LRRC8D: variants seen among roughly 807,000 people sequenced by gnomAD.
The protein encoded by LRRC8D is leucine rich repeat containing 8 VRAC subunit D.
In LRRC8D, 20 loss-of-function variants were observed where a neutral mutation model predicts 55.8. The observed-to-expected ratio is 0.36, with a 90% CI of 0.25 to 0.52. The LOEUF is 0.52. LRRC8D is among the 20% of genes least tolerant of loss of function. The pLI, the probability that LRRC8D is intolerant of heterozygous loss-of-function variation, is 0.93. For missense variants in LRRC8D, 651 were observed against 1,030.8 expected, an observed-to-expected ratio of 0.63 and a Z score of 5.05; for synonymous variants, 352 against 377.0, an observed-to-expected ratio of 0.93 and a Z score of 0.77.
intron 2 of LRRC8D, among the ~76,000 whole-genome samples, chr1:89,925,666 C>T (rs1386398321): frequency 6.6e-6 from 1 of 152,200 alleles, no homozygotes; most frequent in Non-Finnish European, 1.5e-5. Context: ...ATGCTTTATA[C>T]ACATACACAC....
At chr1:89,851,061 TTTTTTTGTG>T (rs936928375) in intron 2 of LRRC8D, among the ~76,000 whole-genome samples, 2 of 147,056 alleles carry the variant, frequency 1.4e-5, no homozygotes, top group African/African-American at 5.1e-5. Flanking sequence ...TTTTCTTCTG[TTTTTTTGTG>T]TTTTTTTTTT....
At chr1:89,864,665 C>T (rs1661798768) in intron 2 of LRRC8D, among the ~76,000 whole-genome samples, 1 of 152,044 alleles carries the variant, frequency 6.6e-6, no homozygotes, top group African/African-American at 2.4e-5. Flanking sequence ...CTCCTTAACA[C>T]CCTCCAGTGA....
intron 2 of LRRC8D, chr1:89,846,708 A>C (rs965069963): frequency 6.6e-6 from 1 of 151,752 alleles, no homozygotes; most frequent in Admixed American, 6.6e-5. Context: ...TGAAATTTAC[A>C]CTTCCTGTGT....
Position 89,823,403 on chromosome 1 carries a change from G to A in LRRC8D, c.-148+2112G>A, listed in dbSNP as rs577738262. ...TTTCCCTTAATTTTTATATTATGCA[G>A]CATTTTTAAAAATTAATTTTAGAAA... On this transcript the variant is annotated intron_variant, in intron 1 of 2. Coordinates refer to ENST00000337338, the MANE Select transcript of LRRC8D (RefSeq NM_001134479.2). Among the ~76,000 whole-genome samples the A allele has an allele frequency of 2.0e-5, 3 of 152,162 alleles. No individual in the cohort carries two copies. The South Asian group carries it at 6.2e-4, about 32-fold the overall frequency.
At chr1:89,894,263 A>G (rs919121072) in intron 2 of LRRC8D, among the ~76,000 whole-genome samples, 1 of 152,206 alleles carries the variant, frequency 6.6e-6, no homozygotes, top group Non-Finnish European at 1.5e-5. Flanking sequence ...TGAGGAATAA[A>G]TGTTTGTCAT....
At chr1:89,872,156 T>A (rs1662024048) in intron 2 of LRRC8D, among the ~76,000 whole-genome samples, 1 of 152,208 alleles carries the variant, frequency 6.6e-6, no homozygotes, top group South Asian at 2.1e-4. Flanking sequence ...GTGCCATAGT[T>A]TAAACGTAAA....
chr1:89,872,143 C>A (rs1447115036), intron 2 of LRRC8D, among the ~76,000 whole-genome samples: 1 of 152,214 alleles, frequency 6.6e-6, no homozygotes, highest in Non-Finnish European at 1.5e-5. Context: ...TCTTTTGGGA[C>A]AAGTGCCATA....
chr1:89,857,669 G>C (rs2100784590), intron 2 of LRRC8D, among the ~76,000 whole-genome samples: 1 of 152,240 alleles, frequency 6.6e-6, no homozygotes. Flanking sequence ...AAAAGGAAAG[G>C]GGTTTACTGC....
chr1:89,859,734 A>G (rs139938602), intron 2 of LRRC8D, among the ~76,000 whole-genome samples: 2 of 152,262 alleles, frequency 1.3e-5, no homozygotes, highest in East Asian at 3.9e-4. Context: ...TAATTCCTCT[A>G]TGTTTCCTAA....
intron 1 of LRRC8D, among the ~76,000 whole-genome samples, chr1:89,842,440 A>G (rs61773291): frequency 7.2e-5 from 11 of 152,352 alleles, no homozygotes; most frequent in African/African-American, 2.6e-4. Context: ...GGGATTTAAA[A>G]TGAGATGTTG....
chr1:89,929,294 G>T (rs887747602), intron 2 of LRRC8D, among the ~76,000 whole-genome samples: 1 of 152,196 alleles, frequency 6.6e-6, no homozygotes, highest in Non-Finnish European at 1.5e-5. Flanking sequence ...CTAGTGAAGA[G>T]GAGTAGGGAG....
At chr1:89,846,240 GT>G (rs950208326) in intron 2 of LRRC8D, among the ~76,000 whole-genome samples, 12 of 151,802 alleles carry the variant, frequency 7.9e-5, no homozygotes, top group African/African-American at 2.4e-4. Flanking sequence ...TTCTATTCTA[GT>G]GATATTTAAA....
intron 1 of LRRC8D, among the ~76,000 whole-genome samples, chr1:89,829,488 C>T (rs567812113): frequency 6.6e-6 from 1 of 152,114 alleles, no homozygotes; most frequent in African/African-American, 2.4e-5. Context: ...TATTTTAAAC[C>T]AGACTTTTTA....
At chr1:89,868,294 T>A (rs181098575) in intron 2 of LRRC8D, among the ~76,000 whole-genome samples, 1 of 152,302 alleles carries the variant, frequency 6.6e-6, no homozygotes, top group Non-Finnish European at 1.5e-5. Flanking sequence ...TCATAAAATG[T>A]AAGGATTAGA....
intron 1 of LRRC8D, among the ~76,000 whole-genome samples, chr1:89,825,884 T>C (rs1660749642): frequency 6.6e-6 from 1 of 152,210 alleles, no homozygotes; most frequent in Non-Finnish European, 1.5e-5. Context: ...TCTCACAGTG[T>C]TGAAGGAGAG....
intron 2 of LRRC8D, among the ~76,000 whole-genome samples, chr1:89,909,738 C>T (rs888530485): frequency 8.6e-5 from 13 of 151,924 alleles, no homozygotes; most frequent in East Asian, 1.9e-4. Context: ...TGGTGGCGGG[C>T]GCCTGTAGTC....
At chr1:89,844,046 C>T (rs1052315095) in intron 2 of LRRC8D, among the ~76,000 whole-genome samples, 4 of 152,254 alleles carry the variant, frequency 2.6e-5, no homozygotes, top group African/African-American at 9.6e-5. Context: ...CCCCGGGCTG[C>T]GCTGGAGCTG....
chr1:89,881,834 C>T (rs772729160), intron 2 of LRRC8D, among the ~76,000 whole-genome samples: 4 of 152,264 alleles, frequency 2.6e-5, no homozygotes, highest in Middle Eastern at 3.4e-3. Context: ...GGCCTGATGA[C>T]CCTTGGCCCA....
intron 2 of LRRC8D, among the ~76,000 whole-genome samples, chr1:89,893,172 G>A (rs532360395): frequency 6.6e-6 from 1 of 152,276 alleles, no homozygotes; most frequent in African/African-American, 2.4e-5. Flanking sequence ...ATCAGGAAAG[G>A]CCTCAATGAA....
Sources: gnomAD v4.1 joint callset for allele counts (sites outside exome capture counted in the v4.1 genomes callset) on GRCh38, gnomAD v4.1.1 for gene constraint, MANE v1.5 for transcripts, NCBI Gene and HGNC (gene_info 2026-07-23, HGNC 2026-07-21) for gene names.